Variants in PCDHGB7 observed in about 807,000 individuals in gnomAD.
PCDHGB7 encodes the protein protocadherin gamma subfamily B, 7.
A neutral mutation model predicts 61.4 loss-of-function variants in PCDHGB7; 37 were observed. The ratio of observed to expected loss-of-function variants is 0.60; its 90% CI spans 0.46 to 0.79. The LOEUF (loss-of-function observed/expected upper bound fraction) is 0.79, where lower values mean the gene tolerates loss of function less well. Ranked by LOEUF, PCDHGB7 falls within the 30% of genes least tolerant of loss-of-function variation. The pLI is 0.00. For synonymous variants in PCDHGB7, 464 were observed against 503.5 expected, an observed-to-expected ratio of 0.92 and a Z score of 1.05; for missense variants, 1,166 against 1,202.5, an observed-to-expected ratio of 0.97 and a Z score of 0.45.
Position 141,486,429 on chromosome 5 carries a change from C to G in PCDHGB7, c.2416-8378C>G, listed in dbSNP as rs2099629385. On this transcript the variant is annotated intron_variant, in intron 1 of 3. Transcript: ENST00000398594. The surrounding 1 kb of genome is among the most constrained non-coding windows in gnomAD (Gnocchi z 5.0). ...GGACCCTTGGATCGAGAGGCCAAAT[C>G]TAGCTATGACATCATGGTCACTGCT... 1.1e-5 allele frequency: 17 copies of G among 1,614,192 alleles called. No homozygotes were observed. Among genetic ancestry groups the G allele is most frequent in the Non-Finnish European group, 1.4e-5 (17 of 1,180,008 alleles).
intron 1 of PCDHGB7, chr5:141,441,823 C>T (rs538052540): frequency 3.9e-5 from 14 of 357,336 alleles, no homozygotes; most frequent in Non-Finnish European, 6.6e-5. Context: ...AGCTCTGGAG[C>T]GCAATGGCTT....
Position 141,475,143 on chromosome 5 carries a change from T to TC in PCDHGB7, c.2416-19662dup, listed in dbSNP as rs372338581. On this transcript the variant is annotated intron_variant, in intron 1 of 3. Transcript: ENST00000398594. ...GGCTTTTTTTCTTTTTGAAATCTTC[T>TC]CCGTCTTCTTCTTCATTAGCAGTGC... Among the ~76,000 whole-genome samples the TC allele has an allele frequency of 4.9e-3, 751 of 152,356 alleles. 5 individuals carry two copies. Among genetic ancestry groups the TC allele is most frequent in the Non-Finnish European group, 6.5e-3 (439 of 68,034 alleles).
At position 141,491,134 on chromosome 5, in the gene PCDHGB7, C is replaced by T. The variant is rs1594979273; in HGVS notation, c.2416-3673C>T. Reference sequence around the variant, plus strand: ...ACACACTGGTGAGGTGCGCACAGCCCGGGCCTTACTGGAGGATGACTCTGA... The same window carrying T: ...ACACACTGGTGAGGTGCGCACAGCCTGGGCCTTACTGGAGGATGACTCTGA... On this transcript the variant is annotated intron_variant, in intron 1 of 3. Transcript: ENST00000398594. The surrounding 1 kb of genome is among the most constrained non-coding windows in gnomAD (Gnocchi z 6.9). The T allele has an allele frequency of 6.2e-7, 1 of 1,614,138 alleles. No homozygotes were observed. Among genetic ancestry groups the T allele is most frequent in the Non-Finnish European group, 8.5e-7 (1 of 1,179,994 alleles).
At chr5:141,444,670 C>G (rs1174911888) in intron 1 of PCDHGB7, among the ~76,000 whole-genome samples, 1 of 152,052 alleles carries the variant, frequency 6.6e-6, no homozygotes, top group African/African-American at 2.4e-5. Context: ...CCATTTTTTT[C>G]AATACCATTT....
At chr5:141,497,018 A>G (rs988584487) in intron 2 of PCDHGB7, among the ~76,000 whole-genome samples, 1 of 152,084 alleles carries the variant, frequency 6.6e-6, no homozygotes, top group Non-Finnish European at 1.5e-5. Flanking sequence ...GTGAAACCCC[A>G]TCTCGATTAA....
intron 1 of PCDHGB7, chr5:141,433,325 C>CA: frequency 2.8e-6 from 2 of 726,266 alleles, no homozygotes; most frequent in Non-Finnish European, 4.5e-6. Context: ...TCCGGTGTAA[C>CA]AGGGACTACA....
intron 1 of PCDHGB7, among the ~76,000 whole-genome samples, chr5:141,492,095 CT>C (rs1047956109): frequency 6.6e-6 from 1 of 152,232 alleles, no homozygotes; most frequent in African/African-American, 2.4e-5. Context: ...CTTCGCCGGT[CT>C]GTAGATTTCC....
intron 1 of PCDHGB7, chr5:141,479,750 G>T: frequency 6.6e-6 from 1 of 152,310 alleles, no homozygotes. Context: ...CAATGTGAAA[G>T]GTAGATAAAT....
In PCDHGB7 at chr5:141,476,883, A is replaced by G. The variant is rs1266909654; in HGVS notation, c.2416-17924A>G. ...TTGTACCGGGCGCGCGTCCTGGAGG[A>G]TGCACCCTCCGGCACGCGCGTGGTA... On this transcript the variant is annotated intron_variant, in intron 1 of 3. Coordinates refer to ENST00000398594, the MANE Select transcript of PCDHGB7 (RefSeq NM_018927.4). This position sits in a 1 kb window ranked among gnomAD's most constrained non-coding sequence, Gnocchi z 7.6. 1 of 1,613,916 alleles carries G rather than the reference A, an allele frequency of 6.2e-7. No individual in the cohort carries two copies. The highest frequency in any genetic ancestry group is 8.5e-7 in the Non-Finnish European group (1 of 1,180,026).
chr5:141,476,281 T>G lies in PCDHGB7; in HGVS notation c.2416-18526T>G. On this transcript the variant is annotated intron_variant, in intron 1 of 3. Coordinates refer to ENST00000398594, the MANE Select transcript of PCDHGB7 (RefSeq NM_018927.4). This position sits in a 1 kb window ranked among gnomAD's most constrained non-coding sequence, Gnocchi z 7.6. ...TGGGCAACGTGGTCGCGAACCTTGGTTTGGATCTCGGTAGCCTCTCAGCCC... is the reference window on the plus strand; with the variant it reads ...TGGGCAACGTGGTCGCGAACCTTGGGTTGGATCTCGGTAGCCTCTCAGCCC... 1 of 1,614,048 alleles carries G rather than the reference T, an allele frequency of 6.2e-7. No homozygotes were observed. The highest frequency in any genetic ancestry group is 1.1e-5 in the South Asian group (1 of 91,062).
At chr5:141,505,260 C>T in intron 2 of PCDHGB7, 133 bp from the exon 3 acceptor site, 2 of 1,502,832 alleles carry the variant, frequency 1.3e-6, no homozygotes, top group South Asian at 1.3e-5. Context: ...TGCCTCCTAC[C>T]TTGCTGAGAG....
chr5:141,465,968 A>G (rs2099113507), intron 1 of PCDHGB7, among the ~76,000 whole-genome samples: 3 of 151,940 alleles, frequency 2.0e-5, no homozygotes, highest in Admixed American at 6.6e-5. Flanking sequence ...TAAAAATACA[A>G]AAAATTAGCC....
chr5:141,419,980 G>T lies in PCDHGB7; in HGVS notation c.2121G>T (p.Val707=), dbSNP rs182372807. 1.1e-4 allele frequency: 180 copies of T among 1,614,080 alleles called. No individual in the cohort carries two copies. The East Asian group carries it at 1.1e-3, about 10-fold the overall frequency. Residue 707 remains valine, a synonymous_variant, in exon 1 of 4, where the codon GTG becomes GTT. Transcript: ENST00000398594. ...TTTCTGTGCTCTTTCTCCTCGCGGTGATTCTAGCTATTGCTCTACGCCTGC... is the reference window on the plus strand; with the variant it reads ...TTTCTGTGCTCTTTCTCCTCGCGGTTATTCTAGCTATTGCTCTACGCCTGC... ...ALISVLFLLA[V]ILAIALRLRQ...
At position 141,420,190 on chromosome 5, in the gene PCDHGB7, A is replaced by T; in HGVS notation, c.2331A>T (p.Thr777=). The part of the protein sequence containing the change: ...FFTSVDHCPA[T]QDNLNKDSML... ...CATCTGTTGATCATTGTCCAGCCACACAAGATAACCTCAACAAAGATAGCA... is the reference window on the plus strand; with the variant it reads ...CATCTGTTGATCATTGTCCAGCCACTCAAGATAACCTCAACAAAGATAGCA... The change falls in exon 1 of 4, where the codon ACA becomes ACT. Residue 777 remains threonine, a synonymous_variant. Transcript: ENST00000398594. 1.9e-6 allele frequency: 3 copies of T among 1,613,922 alleles called. No homozygotes were observed. Among genetic ancestry groups the T allele is most frequent in the Non-Finnish European group, 2.5e-6 (3 of 1,179,776 alleles).
rs2099686717 is a variant in PCDHGB7, at chr5:141,489,403, A to C, written c.2416-5404A>C. The C allele has an allele frequency of 6.2e-7, 1 of 1,614,172 alleles. No homozygotes were observed. Among genetic ancestry groups the C allele is most frequent in the East Asian group, 2.2e-5 (1 of 44,884 alleles). On this transcript the variant is annotated intron_variant, in intron 1 of 3. Coordinates refer to ENST00000398594, the MANE Select transcript of PCDHGB7 (RefSeq NM_018927.4). The surrounding 1 kb of genome is among the most constrained non-coding windows in gnomAD (Gnocchi z 4.5). ...GAATGTTGCTCAGGATCTGGGCTTA[A>C]AGATGACAGATCTGTTGAGCCGGCG...
intron 1 of PCDHGB7, among the ~76,000 whole-genome samples, chr5:141,451,522 A>G (rs1387873094): frequency 6.6e-6 from 1 of 152,200 alleles, no homozygotes; most frequent in Non-Finnish European, 1.5e-5. Flanking sequence ...TAGAGCAAGT[A>G]AAGGAGAGTG....
chr5:141,500,871 T>C (rs2154592764), intron 2 of PCDHGB7, among the ~76,000 whole-genome samples: 1 of 135,840 alleles, frequency 7.4e-6, no homozygotes, highest in African/African-American at 3.0e-5. Context: ...TACACATTCA[T>C]TTACAATTTT....
chr5:141,422,575 C>G, intron 1 of PCDHGB7: 1 of 1,613,976 alleles, frequency 6.2e-7, no homozygotes, highest in Non-Finnish European at 8.5e-7. Flanking sequence ...CAACGATAAC[C>G]CTCCCGTTTT....
At chr5:141,482,371 T>C (rs1191880709) in intron 1 of PCDHGB7, among the ~76,000 whole-genome samples, 2 of 152,100 alleles carry the variant, frequency 1.3e-5, no homozygotes, top group African/African-American at 2.4e-5. Flanking sequence ...AAGTAATGCA[T>C]ATAAAGTCCC....
Sources: gnomAD v4.1 joint callset for allele counts (sites outside exome capture counted in the v4.1 genomes callset) on GRCh38, gnomAD v4.1.1 for gene constraint, Gnocchi (gnomAD v3.1) non-coding constraint, MANE v1.5 for transcripts, NCBI Gene and HGNC (gene_info 2026-07-23, HGNC 2026-07-21) for gene names.